The following HDAC8 variants were observed in gnomAD, a reference collection of about 807,000 sequenced individuals.
HDAC8 encodes histone deacetylase 8.
A neutral mutation model predicts 32.2 loss-of-function variants in HDAC8; 1 was observed. The ratio of observed to expected loss-of-function variants is 0.03; its 90% CI spans 0.01 to 0.15. The LOEUF is 0.15. HDAC8 is among the 10% of genes least tolerant of loss of function. HDAC8 has a pLI of 1.00. For synonymous variants in HDAC8, 108 were observed against 113.9 expected, an observed-to-expected ratio of 0.95 and a Z score of 0.33; for missense variants, 117 against 300.0, an observed-to-expected ratio of 0.39 and a Z score of 4.51.
At chrX:72,384,165 A>T (rs1163852219) in intron 9 of HDAC8, among the ~76,000 whole-genome samples, 2 of 111,746 alleles carry the variant, frequency 1.8e-5, no homozygotes, top group Admixed American at 9.5e-5. Context: ...TCTCAAATTC[A>T]TCCTTTACAC....
At chrX:72,426,614 T>C (rs2046646808) in intron 9 of HDAC8, among the ~76,000 whole-genome samples, 1 of 112,160 alleles carries the variant, frequency 8.9e-6, no homozygotes, top group South Asian at 3.7e-4. Flanking sequence ...ACTGTATTTT[T>C]TCTTTTTTCA....
At chrX:72,563,617 T>C (rs147190460) in intron 4 of HDAC8, among the ~76,000 whole-genome samples, 1,197 of 111,989 alleles carry the variant, frequency 0.011, 8 homozygotes, top group Non-Finnish European at 0.016. Context: ...AATAGGATAA[T>C]ATTCTAAGGA....
At chrX:72,480,912 G>C (rs1251432163) in intron 7 of HDAC8, among the ~76,000 whole-genome samples, 2 of 109,785 alleles carry the variant, frequency 1.8e-5, no homozygotes, top group Non-Finnish European at 1.9e-5. Context: ...AGGGGGTGGG[G>C]AGCCAGGGGA....
chrX:72,457,112 T>C (rs1555989930), intron 9 of HDAC8, among the ~76,000 whole-genome samples: 1 of 111,376 alleles, frequency 9.0e-6, no homozygotes, highest in Non-Finnish European at 1.9e-5. Context: ...GAGGATACCA[T>C]ATGATCATTT....
At chrX:72,571,681 C>T (rs1261900400) in intron 2 of HDAC8, among the ~76,000 whole-genome samples, 2 of 104,811 alleles carry the variant, frequency 1.9e-5, no homozygotes, top group Non-Finnish European at 3.9e-5. Context: ...ATTCTCCTGC[C>T]TCAGCCTCCC....
chrX:72,463,624 C>A (rs952579696), intron 8 of HDAC8, among the ~76,000 whole-genome samples: 1 of 111,638 alleles, frequency 9.0e-6, no homozygotes, highest in Middle Eastern at 4.2e-3. Context: ...ATATTTCTTG[C>A]CAGCTTTTCA....
At chrX:72,439,126 T>G in intron 9 of HDAC8, among the ~76,000 whole-genome samples, 1 of 111,600 alleles carries the variant, frequency 9.0e-6, no homozygotes, top group Non-Finnish European at 1.9e-5. Context: ...TCTGCAAAAC[T>G]CTACAAGCCA....
At chrX:72,367,507 T>C (rs1185326933) in intron 9 of HDAC8, among the ~76,000 whole-genome samples, 1 of 112,443 alleles carries the variant, frequency 8.9e-6, no homozygotes, top group Non-Finnish European at 1.9e-5. Flanking sequence ...TGAGGCTAGA[T>C]AAATGAAGGG....
intron 4 of HDAC8, among the ~76,000 whole-genome samples, chrX:72,528,253 G>A (rs1199011324): frequency 9.0e-6 from 1 of 111,682 alleles, no homozygotes; most frequent in African/African-American, 3.3e-5. Flanking sequence ...CCCTAGCACA[G>A]TGCCAGCCCT....
chrX:72,436,017 C>T (rs1379819352), intron 9 of HDAC8, among the ~76,000 whole-genome samples: 13 of 109,831 alleles, frequency 1.2e-4, no homozygotes, highest in Non-Finnish European at 2.3e-4. Context: ...ACAGCAATCA[C>T]CCAATCTAGA....
intron 4 of HDAC8, 126 bp from the exon 5 acceptor site, chrX:72,495,394 T>A: frequency 2.4e-6 from 1 of 423,251 alleles, no homozygotes; most frequent in Non-Finnish European, 4.1e-6. Flanking sequence ...AAAACAGAAA[T>A]CCATCTACAA....
chrX:72,403,175 T>C (rs1555967873), intron 9 of HDAC8, among the ~76,000 whole-genome samples: 1 of 112,322 alleles, frequency 8.9e-6, no homozygotes, highest in African/African-American at 3.2e-5. Flanking sequence ...TGTTTGGATT[T>C]GCACTTCCAT....
chrX:72,572,091 A>G lies in HDAC8; in HGVS notation c.130T>C (p.Leu44=), dbSNP rs2052106515. Reference sequence around the variant, plus strand: ...TTATGCAGTGCATATGCTTCAATCAAAGAATGCACCATACTGGCCTAAAAA... The same window carrying G: ...TTATGCAGTGCATATGCTTCAATCAGAGAATGCACCATACTGGCCTAAAAA... ...IPKRASMVHS[L]IEAYALHKQM... Residue 44 remains leucine, a synonymous_variant, in exon 2 of 11, where the codon TTG becomes CTG. Transcript: ENST00000373573. 8.4e-7 allele frequency: 1 copy of G among 1,195,184 alleles called. No homozygotes were observed. Among genetic ancestry groups the G allele is most frequent in the Non-Finnish European group, 1.1e-6 (1 of 888,211 alleles).
intron 9 of HDAC8, among the ~76,000 whole-genome samples, chrX:72,444,173 C>T (rs1555983463): frequency 9.8e-6 from 1 of 101,777 alleles, no homozygotes; most frequent in Non-Finnish European, 2.0e-5. Context: ...GGAATCCTCC[C>T]TAACTCATTT....
At chrX:72,471,142 T>C (rs2048164029) in intron 7 of HDAC8, among the ~76,000 whole-genome samples, 1 of 112,611 alleles carries the variant, frequency 8.9e-6, no homozygotes, top group South Asian at 3.7e-4. Flanking sequence ...TCTTCAAGGT[T>C]CATTTGTGTT....
chrX:72,399,594 T>G (rs1237362758), intron 9 of HDAC8, among the ~76,000 whole-genome samples: 1 of 111,706 alleles, frequency 9.0e-6, no homozygotes, highest in African/African-American at 3.3e-5. Flanking sequence ...CAATACTGAG[T>G]CTCCCTACCT....
chrX:72,556,058 A>G (rs1188625563), intron 4 of HDAC8, among the ~76,000 whole-genome samples: 1 of 112,192 alleles, frequency 8.9e-6, no homozygotes, highest in African/African-American at 3.2e-5. Context: ...ATTTCTCAGC[A>G]GAAACCTTAC....
chrX:72,471,437 A>G (rs1555997559), intron 7 of HDAC8, among the ~76,000 whole-genome samples: 1 of 112,089 alleles, frequency 8.9e-6, no homozygotes, highest in East Asian at 2.8e-4. Context: ...AGTGGGCCAC[A>G]CCATTTTACA....
At chrX:72,440,012 A>G (rs185115752) in intron 9 of HDAC8, among the ~76,000 whole-genome samples, 3 of 112,320 alleles carry the variant, frequency 2.7e-5, no homozygotes, top group Admixed American at 9.4e-5. Flanking sequence ...ACAAATCAAC[A>G]GAATACACAT....
Sources: allele counts gnomAD v4.1 joint callset (sites outside exome capture counted in the v4.1 genomes callset), GRCh38; gene constraint gnomAD v4.1.1; transcripts MANE v1.5; gene names NCBI Gene and HGNC (gene_info 2026-07-23, HGNC 2026-07-21).